Variants in SPOPL observed in about 807,000 individuals in gnomAD.
The protein encoded by SPOPL is speckle-type POZ protein-like.
A neutral mutation model predicts 53.8 loss-of-function variants in SPOPL; 23 were observed. The ratio of observed to expected loss-of-function variants is 0.43; its 90% confidence interval spans 0.31 to 0.61. The LOEUF (loss-of-function observed/expected upper bound fraction) is 0.61, where lower values mean the gene tolerates loss of function less well. Among genes scored for constraint, SPOPL ranks in the 20% least tolerant of loss-of-function variants. SPOPL has a pLI of 0.12. For missense variants in SPOPL, 442 were observed against 466.9 expected, an observed-to-expected ratio of 0.95 and a Z score of 0.49; for synonymous variants, 164 against 149.7, an observed-to-expected ratio of 1.10 and a Z score of -0.70.
chr2:138,529,272 A>T (rs1414651211), intron 1 of SPOPL, among the ~76,000 whole-genome samples: 3 of 152,184 alleles, frequency 2.0e-5, no homozygotes. Flanking sequence ...ACCTGCTGGA[A>T]TAGTAGAGCT....
At chr2:138,521,470 A>G (rs983556704) in intron 1 of SPOPL, among the ~76,000 whole-genome samples, 2 of 151,468 alleles carry the variant, frequency 1.3e-5, no homozygotes, top group African/African-American at 4.9e-5. Flanking sequence ...CTTTTCTTTG[A>G]AAATACATTA....
At chr2:138,559,397 G>A (rs1685497557) in intron 7 of SPOPL, 60 bp downstream of exon 7, 1 of 1,485,086 alleles carries the variant, frequency 6.7e-7, no homozygotes, top group Non-Finnish European at 9.1e-7. Context: ...TTGGGTGTAT[G>A]TTTTAAAAGT....
At chr2:138,522,914 T>G (rs914482825) in intron 1 of SPOPL, among the ~76,000 whole-genome samples, 14 of 152,258 alleles carry the variant, frequency 9.2e-5, no homozygotes, top group Non-Finnish European at 1.6e-4. Flanking sequence ...ACTAGCCCCC[T>G]TCCTTTTTCA....
chr2:138,536,719 C>G (rs1684943829), intron 1 of SPOPL, among the ~76,000 whole-genome samples: 1 of 152,152 alleles, frequency 6.6e-6, no homozygotes, highest in Admixed American at 6.5e-5. Flanking sequence ...CCAGTCTCTT[C>G]TCATTTGCCT....
intron 1 of SPOPL, among the ~76,000 whole-genome samples, chr2:138,510,560 C>A (rs914131990): frequency 2.6e-5 from 4 of 152,140 alleles, no homozygotes; most frequent in Admixed American, 1.3e-4. Flanking sequence ...TTTCTCTTTG[C>A]AAATCAGATT....
At chr2:138,514,794 G>T (rs566457667) in intron 1 of SPOPL, among the ~76,000 whole-genome samples, 48 of 152,256 alleles carry the variant, frequency 3.2e-4, no homozygotes, top group Middle Eastern at 3.4e-3. Flanking sequence ...TTCCAAAGTT[G>T]TTGTACCAAT....
At position 138,554,754 on chromosome 2, in the gene SPOPL, A is replaced by T. The variant is rs1227513646; in HGVS notation, c.480+2073A>T. The stretch of plus-strand genomic sequence containing the variant: ...TTTTGAAATTCAACAGATTTTAAAT[A>T]CTCAGTCTACAGACCCATACCATTT... On this transcript the variant is annotated intron_variant, in intron 5 of 10. Coordinates refer to ENST00000280098, the MANE Select transcript of SPOPL (RefSeq NM_001001664.3). 3.3e-5 allele frequency among the ~76,000 whole-genome samples: 5 copies of T among 152,216 alleles called. No individual in the cohort carries two copies. In the South Asian group the frequency reaches 1.0e-3, roughly 31 times the overall value.
chr2:138,535,868 C>T (rs1302603999), intron 1 of SPOPL, among the ~76,000 whole-genome samples: 1 of 151,960 alleles, frequency 6.6e-6, no homozygotes, highest in Non-Finnish European at 1.5e-5. Context: ...ACTGATTTGT[C>T]TGTAAGTTCA....
At chr2:138,536,196 A>C (rs1313054925) in intron 1 of SPOPL, among the ~76,000 whole-genome samples, 1 of 152,028 alleles carries the variant, frequency 6.6e-6, no homozygotes, top group Non-Finnish European at 1.5e-5. Context: ...CTGTTTTTTC[A>C]TGCCTCGTAA....
intron 1 of SPOPL, among the ~76,000 whole-genome samples, chr2:138,539,319 C>T (rs560807904): frequency 2.6e-5 from 4 of 152,290 alleles, no homozygotes; most frequent in Admixed American, 6.5e-5. Flanking sequence ...CCTAAGGAAT[C>T]GCCACACTGA....
At chr2:138,513,549 T>TA (rs929642078) in intron 1 of SPOPL, among the ~76,000 whole-genome samples, 3 of 151,708 alleles carry the variant, frequency 2.0e-5, no homozygotes, top group Non-Finnish European at 4.4e-5. Flanking sequence ...GATTCCATCT[T>TA]AAAAAAATGA....
intron 5 of SPOPL, among the ~76,000 whole-genome samples, chr2:138,555,132 G>T (rs907518508): frequency 1.8e-4 from 1 of 5,410 alleles, no homozygotes; most frequent in Non-Finnish European, 5.8e-4. Context: ...GGGTAGGAGG[G>T]TGTGTGTGTG....
Position 138,538,993 on chromosome 2 carries a change from T to G in SPOPL, c.-60-11164T>G, listed in dbSNP as rs1241767875. 3.3e-5 allele frequency among the ~76,000 whole-genome samples: 5 copies of G among 152,284 alleles called. No homozygotes were observed. The South Asian group carries it at 1.0e-3, about 32-fold the overall frequency. On this transcript the variant is annotated intron_variant, in intron 1 of 10. Coordinates refer to ENST00000280098, the MANE Select transcript of SPOPL (RefSeq NM_001001664.3). ...AATTTTCCACCTATGAGTGAGAACA[T>G]GCGGTGTTTGGTTTTTTGTCCTTGC...
intron 8 of SPOPL, among the ~76,000 whole-genome samples, chr2:138,564,070 T>C (rs1685607709): frequency 6.6e-6 from 1 of 152,188 alleles, no homozygotes; most frequent in Non-Finnish European, 1.5e-5. Context: ...TCTATAGTGA[T>C]AGAAAGCATA....
chr2:138,560,320 T>A (rs1216496983), intron 7 of SPOPL, among the ~76,000 whole-genome samples: 1 of 152,146 alleles, frequency 6.6e-6, no homozygotes, highest in Non-Finnish European at 1.5e-5. Context: ...TGTTACAGGA[T>A]CTTAGGTGTT....
At chr2:138,553,885 T>C (rs894928389) in intron 5 of SPOPL, among the ~76,000 whole-genome samples, 3 of 152,154 alleles carry the variant, frequency 2.0e-5, no homozygotes, top group African/African-American at 7.2e-5. Context: ...TATAAAATTT[T>C]TAGCATCCTT....
At chr2:138,539,811 T>G (rs1049918420) in intron 1 of SPOPL, among the ~76,000 whole-genome samples, 1 of 152,254 alleles carries the variant, frequency 6.6e-6, no homozygotes, top group African/African-American at 2.4e-5. Context: ...GTTTTAGACA[T>G]AAAGTCCTTG....
chr2:138,552,063 G>T (rs1245666714), intron 4 of SPOPL, among the ~76,000 whole-genome samples: 4 of 151,992 alleles, frequency 2.6e-5, no homozygotes, highest in Non-Finnish European at 5.9e-5. Context: ...TTTTTCTATA[G>T]TTGAATAAAA....
At position 138,571,020 on chromosome 2, in the gene SPOPL, G is replaced by A. The variant is rs575786178; in HGVS notation, c.*1940G>A. 6.6e-6 allele frequency: 1 copy of A among 152,260 alleles called. No homozygotes were observed. Among genetic ancestry groups the A allele is most frequent in the South Asian group, 2.1e-4 (1 of 4,830 alleles). The allele number at this position is 152,260 out of a possible 1,614,324, so 9.4% of individuals were successfully genotyped here. A position where few individuals can be genotyped will look rare whatever the true frequency, so the allele number is the denominator to read the frequency against. Reference sequence around the variant, plus strand: ...ACTTCATACTTCATCCTGTGTAAGAGTATTATGGGAAGTAGAAATTCACTT... The same window carrying A: ...ACTTCATACTTCATCCTGTGTAAGAATATTATGGGAAGTAGAAATTCACTT... On this transcript the variant is annotated 3_prime_UTR_variant, in exon 11 of 11. Transcript: ENST00000280098.
Sources: allele counts gnomAD v4.1 joint callset (sites outside exome capture counted in the v4.1 genomes callset), GRCh38; gene constraint gnomAD v4.1.1; transcripts MANE v1.5; gene names NCBI Gene and HGNC (gene_info 2026-07-23, HGNC 2026-07-21).